AGAP1: variants seen among roughly 807,000 people sequenced by gnomAD.
AGAP1 encodes arf-GAP with GTPase, ANK repeat and PH domain-containing protein 1.
A neutral mutation model predicts 105.3 loss-of-function variants in AGAP1; 29 were observed. The ratio of observed to expected loss-of-function variants is 0.28; its 90% CI spans 0.21 to 0.38. The LOEUF (loss-of-function observed/expected upper bound fraction) is 0.38. Among genes scored for constraint, AGAP1 ranks in the 10% least tolerant of loss-of-function variants. The pLI is 1.00. For missense variants in AGAP1, 998 were observed against 1,165.1 expected (o/e 0.86, Z 2.09); for synonymous variants, 509 against 485.9 (o/e 1.05, Z -0.63).
At position 236,124,210 on chromosome 2, in the gene AGAP1, T is replaced by C; in HGVS notation, c.*88T>C. The C allele has an allele frequency of 7.2e-7, 1 of 1,395,212 alleles. No individual in the cohort carries two copies. Among genetic ancestry groups the C allele is most frequent in the East Asian group, 2.5e-5 (1 of 40,110 alleles). 86.4% of individuals were successfully genotyped at this position (1,395,212 alleles called of 1,614,324 possible). On this transcript the variant is annotated 3_prime_UTR_variant, in exon 18 of 18. Coordinates refer to ENST00000304032, the MANE Select transcript of AGAP1 (RefSeq NM_001037131.3). This position sits in a 1 kb window ranked among gnomAD's most constrained non-coding sequence, Gnocchi z 5.1. ...CAGAAGTCGCAGCACGTGAGTCCCG[T>C]CGCATCCCCTCCCTCTTCCTGGTGG...
chr2:236,120,282 C>T lies in AGAP1; in HGVS notation c.2205C>T (p.His735=). The T allele has an allele frequency of 6.2e-7, 1 of 1,613,058 alleles. No homozygotes were observed. Among genetic ancestry groups the T allele is most frequent in the South Asian group, 1.1e-5 (1 of 91,030 alleles). ...GCACGGAGCTGTCCCTGGGCCAGCA[C>T]CTGCTGCGGGCCACCGCCGACGAGG... ...LPCTELSLGQ[H]LLRATADEDL... Residue 735 remains histidine (H), a synonymous_variant, in exon 17 of 18, where the codon CAC becomes CAT. Transcript: ENST00000304032. This position sits in a 1 kb window ranked among gnomAD's most constrained non-coding sequence, Gnocchi z 6.0.
intron 9 of AGAP1, among the ~76,000 whole-genome samples, chr2:235,819,900 C>CTTTTT (rs1958689558): frequency 7.6e-6 from 1 of 131,374 alleles, no homozygotes; most frequent in African/African-American, 2.7e-5. Flanking sequence ...TTTCTTCTTT[C>CTTTTT]TTTCTTTTTT....
chr2:235,666,763 T>C (rs1436136011), intron 1 of AGAP1, among the ~76,000 whole-genome samples: 1 of 151,682 alleles, frequency 6.6e-6, no homozygotes, highest in East Asian at 1.9e-4. Context: ...CCTGAAGGAA[T>C]ACTACCTTAT....
rs761657974 is a variant in AGAP1, at chr2:236,018,186, CAGAA to C, written c.1646-18374_1646-18371del. On this transcript the variant is annotated intron_variant, in intron 13 of 17. Coordinates refer to ENST00000304032, the MANE Select transcript of AGAP1 (RefSeq NM_001037131.3). Reference sequence around the variant, plus strand: ...TGGGTGAAATTGAGTTTTCTTCAGCCAGAATGCAGCTGTAACTTTAACATCTCAG... The same window carrying C: ...TGGGTGAAATTGAGTTTTCTTCAGCCTGCAGCTGTAACTTTAACATCTCAG... Among the ~76,000 whole-genome samples the C allele has an allele frequency of 5.8e-3, 889 of 152,262 alleles. 4 individuals carry two copies. The highest frequency in any genetic ancestry group is 0.02 in the African/African-American group (839 of 41,542).
In AGAP1 at chr2:235,754,426, TAA is replaced by T. The variant is rs71400783; in HGVS notation, c.673+3953_673+3954del. On this transcript the variant is annotated intron_variant, in intron 6 of 17. Transcript: ENST00000304032. The surrounding 1 kb of genome is among the most constrained non-coding windows in gnomAD (Gnocchi z 4.6). ...TTCTACATAATGTTTGGCTTGTAAA[TAA>T]AAAAAAAAAAAAAATCCAGCTGCTT... Among the ~76,000 whole-genome samples, 63 of 136,614 alleles carry T rather than the reference TAA, an allele frequency of 4.6e-4. No individual in the cohort carries two copies. The highest frequency in any genetic ancestry group is 8.1e-4 in the East Asian group (4 of 4,920). 89.6% of individuals were successfully genotyped at this position (136,614 alleles called of 152,430 possible). A position where few individuals can be genotyped will look rare whatever the true frequency, so the allele number is the denominator to read the frequency against.
intron 1 of AGAP1, among the ~76,000 whole-genome samples, chr2:235,547,158 A>C (rs1943651907): frequency 6.6e-6 from 1 of 152,304 alleles, no homozygotes; most frequent in Non-Finnish European, 1.5e-5. Context: ...GGTGACGGGC[A>C]GTGGCTTTGG....
chr2:235,987,732 ACTT>A (rs1246509961), intron 13 of AGAP1, among the ~76,000 whole-genome samples: 2 of 151,916 alleles, frequency 1.3e-5, no homozygotes, highest in Non-Finnish European at 2.9e-5. Context: ...GTTTCAAATA[ACTT>A]CTTGATTTCT....
intron 6 of AGAP1, among the ~76,000 whole-genome samples, chr2:235,772,595 G>C (rs952547211): frequency 6.6e-6 from 1 of 152,210 alleles, no homozygotes; most frequent in African/African-American, 2.4e-5. Flanking sequence ...AGTTGACCCA[G>C]CTGTGAAATG....
intron 12 of AGAP1, among the ~76,000 whole-genome samples, chr2:235,944,963 C>T (rs1367737920): frequency 5.3e-5 from 8 of 152,172 alleles, no homozygotes; most frequent in Non-Finnish European, 7.3e-5. Flanking sequence ...ACGGTGGTAT[C>T]GTTGTAAACC....
chr2:235,841,833 C>A (rs1960887145), intron 9 of AGAP1, among the ~76,000 whole-genome samples: 1 of 152,170 alleles, frequency 6.6e-6, no homozygotes, highest in Admixed American at 6.5e-5. Flanking sequence ...TATATTCCTG[C>A]CTATAGGCTC....
chr2:235,919,162 G>A lies in AGAP1; in HGVS notation c.1324+10256G>A, dbSNP rs774566535. Among the ~76,000 whole-genome samples, 2 of 152,036 alleles carry A rather than the reference G, an allele frequency of 1.3e-5. No homozygotes were observed. Among genetic ancestry groups the A allele is most frequent in the African/African-American group, 2.4e-5 (1 of 41,400 alleles). ...GGAAGAGCCTCTGTGAATTACCCGC[G>A]CCCCCTCCACCAGGGAGCCAGCTGC... On this transcript the variant is annotated intron_variant, in intron 11 of 17. Transcript: ENST00000304032. The surrounding 1 kb of genome is among the most constrained non-coding windows in gnomAD (Gnocchi z 4.1).
At position 235,883,730 on chromosome 2, in the gene AGAP1, A is replaced by T. The variant is rs931085105; in HGVS notation, c.1155+281A>T. On this transcript the variant is annotated intron_variant, in intron 10 of 17. Transcript: ENST00000304032. This position sits in a 1 kb window ranked among gnomAD's most constrained non-coding sequence, Gnocchi z 4.5. ...TGAAGTAAAATTTTAGATGAGAGTA[A>T]AAAGACAGGGGCAAGGAGAAAAGAG... is the stretch of plus-strand genomic sequence containing the variant. Among the ~76,000 whole-genome samples, 3 of 152,248 alleles carry T rather than the reference A, an allele frequency of 2.0e-5. No individual in the cohort carries two copies. Among genetic ancestry groups the T allele is most frequent in the African/African-American group, 7.2e-5 (3 of 41,472 alleles).
chr2:235,934,404 A>G lies in AGAP1; in HGVS notation c.1483+3481A>G, dbSNP rs891390831. Among the ~76,000 whole-genome samples, 1 of 152,116 alleles carries G rather than the reference A, an allele frequency of 6.6e-6. No individual in the cohort carries two copies. Among genetic ancestry groups the G allele is most frequent in the Non-Finnish European group, 1.5e-5 (1 of 68,020 alleles). ...ATCCTTGTCTGTCTGCGCCGAGGGT[A>G]CCATCCCGGCGTCCCTCTGGTTCGC... On this transcript the variant is annotated intron_variant, in intron 12 of 17. Coordinates refer to ENST00000304032, the MANE Select transcript of AGAP1 (RefSeq NM_001037131.3). This position sits in a 1 kb window ranked among gnomAD's most constrained non-coding sequence, Gnocchi z 4.9.
rs1199128048 is a variant in AGAP1 at position 235,549,068 on chromosome 2, T to G, written c.163+54219T>G. Among the ~76,000 whole-genome samples the G allele has an allele frequency of 6.6e-6, 1 of 152,144 alleles. No homozygotes were observed. The highest frequency in any genetic ancestry group is 1.5e-5 in the Non-Finnish European group (1 of 68,018). On this transcript the variant is annotated intron_variant, in intron 1 of 17. Transcript: ENST00000304032. The surrounding 1 kb of genome is among the most constrained non-coding windows in gnomAD (Gnocchi z 4.2). The stretch of plus-strand genomic sequence containing the variant: ...AGCTTGTGCAGAAACTGGGACCTGC[T>G]CTCCTTGTAGAGACACAACCCCAGG...
In AGAP1 at chr2:235,875,410, A is replaced by T. The variant is rs1170866721; in HGVS notation, c.1051-7935A>T. The stretch of plus-strand genomic sequence containing the variant: ...TGCTGAGAGATCTGATTCCCAGCGG[A>T]CCGGCCTTCCTCACTCGATGATTGT... On this transcript the variant is annotated intron_variant, in intron 9 of 17. Transcript: ENST00000304032. The surrounding 1 kb of genome is among the most constrained non-coding windows in gnomAD (Gnocchi z 4.0). 1.3e-5 allele frequency among the ~76,000 whole-genome samples: 2 copies of T among 152,144 alleles called. No individual in the cohort carries two copies. Among genetic ancestry groups the T allele is most frequent in the Non-Finnish European group, 2.9e-5 (2 of 68,034 alleles).
intron 6 of AGAP1, among the ~76,000 whole-genome samples, chr2:235,770,129 G>GTTTTTTTTT (rs1955311191): frequency 1.0e-5 from 1 of 97,312 alleles, no homozygotes. Flanking sequence ...TTCTTTCTTT[G>GTTTTTTTTT]TTTCTTTTTT....
At chr2:236,013,422 C>G (rs1229371325) in intron 13 of AGAP1, among the ~76,000 whole-genome samples, 1 of 152,182 alleles carries the variant, frequency 6.6e-6, no homozygotes, top group Non-Finnish European at 1.5e-5. Context: ...AGAATTTTGG[C>G]TCAAACACTA....
intron 1 of AGAP1, among the ~76,000 whole-genome samples, chr2:235,687,857 T>C (rs55857354): frequency 0.042 from 5,843 of 140,152 alleles, 191 homozygotes; most frequent in Non-Finnish European, 0.07. Context: ...ATTTTTTTTT[T>C]CTTTTTTTTT....
At chr2:235,974,212 T>C (rs1318223473) in intron 13 of AGAP1, among the ~76,000 whole-genome samples, 3 of 152,238 alleles carry the variant, frequency 2.0e-5, no homozygotes, top group Non-Finnish European at 4.4e-5. Context: ...GAACTGTCTC[T>C]TGATTCTCTG....
Sources: allele counts gnomAD v4.1 joint callset (sites outside exome capture counted in the v4.1 genomes callset), GRCh38; gene constraint gnomAD v4.1.1; non-coding constraint Gnocchi (gnomAD v3.1); transcripts MANE v1.5; gene names NCBI Gene and HGNC (gene_info 2026-07-23, HGNC 2026-07-21).